Variants in CNTLN observed in about 807,000 individuals in gnomAD.
CNTLN encodes the protein centlein, also known as centlein, centrosomal protein.
In CNTLN, 212 loss-of-function variants were observed where a neutral mutation model predicts 180.0. The ratio of observed to expected loss-of-function variants is 1.18; its 90% CI spans 1.05 to 1.32. CNTLN has a LOEUF of 1.32. CNTLN is among the 40% of genes most tolerant of loss of function. The probability of loss-of-function intolerance (pLI) is 0.00; values close to 1 mark genes in which losing one functional copy is unlikely to be tolerated. For synonymous variants in CNTLN, 722 were observed against 563.1 expected, an observed-to-expected ratio of 1.28 and a Z score of -3.99; for missense variants, 2,095 against 1,610.9, an observed-to-expected ratio of 1.30 and a Z score of -5.14.
intron 8 of CNTLN, among the ~76,000 whole-genome samples, chr9:17,311,111 A>G (rs1420576643): frequency 3.3e-5 from 5 of 151,402 alleles, no homozygotes; most frequent in Admixed American, 6.6e-5. Context: ...TGGAACCTCT[A>G]CCTCCTGGGT....
intron 15 of CNTLN, 82 bp downstream of exon 15, chr9:17,395,151 T>A (rs1197268949): frequency 8.8e-6 from 13 of 1,478,188 alleles, no homozygotes; most frequent in Non-Finnish European, 1.2e-5. Flanking sequence ...GAATTTCAAC[T>A]ACTGTCGATT....
intron 1 of CNTLN, among the ~76,000 whole-genome samples, chr9:17,136,714 G>A (rs1052571287): frequency 1.3e-5 from 2 of 152,186 alleles, no homozygotes; most frequent in Admixed American, 1.3e-4. Context: ...AATTGAATGT[G>A]CCTTTGGTTA....
chr9:17,450,041 G>A (rs1411826286), intron 18 of CNTLN, among the ~76,000 whole-genome samples: 2 of 152,206 alleles, frequency 1.3e-5, no homozygotes, highest in Admixed American at 6.5e-5. Context: ...AAAGTATAAG[G>A]GCATTGAATT....
intron 1 of CNTLN, among the ~76,000 whole-genome samples, chr9:17,136,545 A>G (rs938128199): frequency 6.6e-6 from 1 of 152,168 alleles, no homozygotes; most frequent in Non-Finnish European, 1.5e-5. Flanking sequence ...TAGCCAGGAC[A>G]GTCTCGATCT....
chr9:17,421,803 T>G (rs1828745536), intron 18 of CNTLN, among the ~76,000 whole-genome samples: 1 of 152,166 alleles, frequency 6.6e-6, no homozygotes, highest in Non-Finnish European at 1.5e-5. Flanking sequence ...TTTAAACTGA[T>G]AACAACTAAA....
At chr9:17,377,163 C>T (rs1483917241) in intron 13 of CNTLN, among the ~76,000 whole-genome samples, 2 of 152,130 alleles carry the variant, frequency 1.3e-5, no homozygotes, top group Non-Finnish European at 1.5e-5. Flanking sequence ...CTCTATATAA[C>T]GAATTCAGTA....
intron 6 of CNTLN, among the ~76,000 whole-genome samples, chr9:17,296,938 T>C (rs939377804): frequency 1.3e-5 from 2 of 152,232 alleles, no homozygotes; most frequent in African/African-American, 4.8e-5. Context: ...TTATTCCTTC[T>C]TTCTTTTAAG....
Position 17,154,470 on chromosome 9 carries a change from C to G in CNTLN, c.449+11094C>G, listed in dbSNP as rs531210998. Among the ~76,000 whole-genome samples the G allele has an allele frequency of 1.2e-4, 18 of 152,302 alleles. No individual in the cohort carries two copies. The South Asian group carries it at 1.2e-3, about 11-fold the overall frequency. ...TTTGCTTGGGTATCAGCAGTAGAGGCTGCAGAGCAGCAAAGATTGCTGCCT... is the reference window on the plus strand; with the variant it reads ...TTTGCTTGGGTATCAGCAGTAGAGGGTGCAGAGCAGCAAAGATTGCTGCCT... On this transcript the variant is annotated intron_variant, in intron 2 of 25. Coordinates refer to ENST00000380647, the MANE Select transcript of CNTLN (RefSeq NM_017738.4).
intron 2 of CNTLN, among the ~76,000 whole-genome samples, chr9:17,172,139 G>A (rs1820461548): frequency 6.6e-6 from 1 of 152,044 alleles, no homozygotes; most frequent in Non-Finnish European, 1.5e-5. Flanking sequence ...GGGTGGTTAT[G>A]GCTACTGTTT....
At chr9:17,501,452 C>G (rs1429019888) in intron 25 of CNTLN, among the ~76,000 whole-genome samples, 1 of 152,170 alleles carries the variant, frequency 6.6e-6, no homozygotes, top group Non-Finnish European at 1.5e-5. Context: ...CTAGTCTTTT[C>G]TCTTTTCTCC....
At chr9:17,337,756 T>TA (rs1220714531) in intron 10 of CNTLN, among the ~76,000 whole-genome samples, 2 of 152,190 alleles carry the variant, frequency 1.3e-5, no homozygotes, top group Non-Finnish European at 2.9e-5. Flanking sequence ...TGTCAATACA[T>TA]ATAAGAATCT....
At chr9:17,444,375 A>T (rs192540652) in intron 18 of CNTLN, 1 of 152,186 alleles carries the variant, frequency 6.6e-6, no homozygotes, top group African/African-American at 2.4e-5. Flanking sequence ...TTATTTCATT[A>T]TATGTTAATT....
intron 2 of CNTLN, among the ~76,000 whole-genome samples, chr9:17,200,229 T>C (rs1029704435): frequency 1.3e-4 from 20 of 152,178 alleles, no homozygotes; most frequent in African/African-American, 4.8e-4. Context: ...CATGCTGTTT[T>C]GGTTACTGTA....
intron 12 of CNTLN, among the ~76,000 whole-genome samples, chr9:17,345,539 T>C (rs1413556546): frequency 1.3e-5 from 2 of 151,928 alleles, no homozygotes; most frequent in African/African-American, 2.4e-5. Context: ...TGAGTAGTTT[T>C]TTTTTTTAGT....
At chr9:17,437,463 C>G (rs960542157) in intron 18 of CNTLN, among the ~76,000 whole-genome samples, 3 of 152,060 alleles carry the variant, frequency 2.0e-5, no homozygotes, top group Non-Finnish European at 2.9e-5. Flanking sequence ...TTTTATATTT[C>G]TGGTAGTGTC....
intron 12 of CNTLN, among the ~76,000 whole-genome samples, chr9:17,342,750 A>G (rs1481528504): frequency 6.6e-6 from 1 of 152,090 alleles, no homozygotes; most frequent in African/African-American, 2.4e-5. Flanking sequence ...GCCGTGCTTC[A>G]TTTTTGGAAT....
At chr9:17,224,955 C>T (rs1824370795) in intron 2 of CNTLN, among the ~76,000 whole-genome samples, 1 of 151,782 alleles carries the variant, frequency 6.6e-6, no homozygotes, top group South Asian at 2.1e-4. Flanking sequence ...TGTTTACTTC[C>T]TCCTCTTTCT....
intron 5 of CNTLN, among the ~76,000 whole-genome samples, chr9:17,273,181 A>AC (rs397710456): frequency 2.6e-5 from 4 of 151,750 alleles, no homozygotes; most frequent in Non-Finnish European, 5.9e-5. Flanking sequence ...CACAATGAAA[A>AC]ATATTTAGAG....
chr9:17,464,817 A>G (rs1055965782), intron 21 of CNTLN, among the ~76,000 whole-genome samples, 194 bp downstream of exon 21: 1 of 151,202 alleles, frequency 6.6e-6, no homozygotes, highest in Non-Finnish European at 1.5e-5. Flanking sequence ...CCTCATACAT[A>G]ATATGGCCAC....
Sources: allele counts gnomAD v4.1 joint callset (sites outside exome capture counted in the v4.1 genomes callset), GRCh38; gene constraint gnomAD v4.1.1; transcripts MANE v1.5; gene names NCBI Gene and HGNC (gene_info 2026-07-23, HGNC 2026-07-21).